ASRGL1: variants seen among roughly 807,000 people sequenced by gnomAD.
The protein encoded by ASRGL1 is asparaginase and isoaspartyl peptidase 1, also known as isoaspartyl peptidase/L-asparaginase.
In ASRGL1, 16 loss-of-function variants were observed where a neutral mutation model predicts 22.4. The ratio of observed to expected loss-of-function variants is 0.71; its 90% CI spans 0.48 to 1.08. The LOEUF is 1.08. ASRGL1 is among the 50% of genes least tolerant of loss of function. ASRGL1 has a pLI of 0.00. For missense variants in ASRGL1, 412 were observed against 410.1 expected (o/e 1.00, Z -0.04); for synonymous variants, 165 against 159.3 (o/e 1.04, Z -0.27).
At chr11:62,358,206 T>C (rs187446774) in intron 4 of ASRGL1, among the ~76,000 whole-genome samples, 1 of 152,084 alleles carries the variant, frequency 6.6e-6, no homozygotes, top group South Asian at 2.1e-4. Context: ...CCGTCTCTAC[T>C]AAAGATACAA....
intron 5 of ASRGL1, chr11:62,389,525 G>C: frequency 6.3e-6 from 3 of 478,330 alleles, no homozygotes; most frequent in South Asian, 5.8e-5. Flanking sequence ...TGCTAACGTT[G>C]CCCCCAGTCT....
chr11:62,390,496 C>A (rs932919776), intron 5 of ASRGL1, among the ~76,000 whole-genome samples: 4 of 152,152 alleles, frequency 2.6e-5, no homozygotes, highest in African/African-American at 9.7e-5. Context: ...GCCAGGACCA[C>A]CCTTGGAGAC....
intron 2 of ASRGL1, among the ~76,000 whole-genome samples, chr11:62,341,563 A>G (rs1327559378): frequency 6.6e-6 from 1 of 152,176 alleles, no homozygotes; most frequent in Non-Finnish European, 1.5e-5. Context: ...TCAATAAGGT[A>G]AAAATCTGTA....
intron 4 of ASRGL1, among the ~76,000 whole-genome samples, chr11:62,357,416 A>ATTTTT (rs1342638247): frequency 1.0e-5 from 1 of 100,410 alleles, no homozygotes; most frequent in Non-Finnish European, 1.9e-5. Flanking sequence ...CACCCGGCTC[A>ATTTTT]TTTTTTTTTT....
intron 4 of ASRGL1, among the ~76,000 whole-genome samples, chr11:62,375,478 A>ATATATATATATG (rs1946901101): frequency 1.2e-5 from 1 of 83,686 alleles, no homozygotes; most frequent in African/African-American, 3.7e-5. Flanking sequence ...ATATATATAT[A>ATATATATATATG]TATTTCTTGG....
At chr11:62,372,492 C>A in intron 4 of ASRGL1, 1 of 1,282,624 alleles carries the variant, frequency 7.8e-7, no homozygotes, top group Non-Finnish European at 1.1e-6. Flanking sequence ...ATGGGAAGTT[C>A]ATTGCCCGGG....
chr11:62,391,692 G>C, intron 6 of ASRGL1, 60 bp downstream of exon 6: 5 of 1,519,618 alleles, frequency 3.3e-6, no homozygotes. Context: ...GAAGGTATTT[G>C]ATAAGTAAGC....
At chr11:62,371,181 G>C (rs1022452388) in intron 4 of ASRGL1, 2 of 1,240,562 alleles carry the variant, frequency 1.6e-6, no homozygotes, top group Non-Finnish European at 1.1e-6. Flanking sequence ...AGCTGAGCTC[G>C]GGCAACGGCA....
rs200634675 is a variant in ASRGL1, at chr11:62,343,008, T to G, written c.190+4841T>G. 5.9e-5 allele frequency among the ~76,000 whole-genome samples: 9 copies of G among 152,336 alleles called. No individual in the cohort carries two copies. The East Asian group carries it at 1.7e-3, about 29-fold the overall frequency. On this transcript the variant is annotated intron_variant, in intron 2 of 6. Coordinates refer to ENST00000415229, the MANE Select transcript of ASRGL1 (RefSeq NM_001083926.2). Reference sequence around the variant, plus strand: ...AAACATTTGCATATGGGTGTTTATGTGAACATAAGTTTTTATCTCCCTTAG... The same window carrying G: ...AAACATTTGCATATGGGTGTTTATGGGAACATAAGTTTTTATCTCCCTTAG...
At chr11:62,370,772 C>T (rs1229238254) in intron 4 of ASRGL1, among the ~76,000 whole-genome samples, 4 of 152,144 alleles carry the variant, frequency 2.6e-5, no homozygotes, top group African/African-American at 9.7e-5. Flanking sequence ...ACACATTCTT[C>T]CCAAACTAAA....
chr11:62,348,725 A>G (rs1192182713), intron 2 of ASRGL1, among the ~76,000 whole-genome samples: 1 of 151,868 alleles, frequency 6.6e-6, no homozygotes, highest in Non-Finnish European at 1.5e-5. Flanking sequence ...AAAGAAATGT[A>G]AAAGGGTTAA....
intron 4 of ASRGL1, chr11:62,371,395 G>A (rs977785882): frequency 1.0e-5 from 6 of 602,648 alleles, no homozygotes; most frequent in Admixed American, 9.7e-5. Context: ...GGTGGTCGCC[G>A]AACCCGAGCA....
intron 4 of ASRGL1, among the ~76,000 whole-genome samples, chr11:62,362,699 ATTATATAAAATATATTATATG>A (rs1946500043): frequency 1.2e-5 from 1 of 86,020 alleles, no homozygotes; most frequent in Non-Finnish European, 2.1e-5. Context: ...TATATTATAT[ATTATATAAAATATATTATATG>A]TTATATATAA....
chr11:62,359,971 T>C (rs926490144), intron 4 of ASRGL1, among the ~76,000 whole-genome samples: 1 of 151,854 alleles, frequency 6.6e-6, no homozygotes, highest in African/African-American at 2.4e-5. Flanking sequence ...TTGTAACTTT[T>C]TGGAAATTAT....
At chr11:62,347,082 T>A (rs1946045025) in intron 2 of ASRGL1, among the ~76,000 whole-genome samples, 1 of 152,206 alleles carries the variant, frequency 6.6e-6, no homozygotes, top group African/African-American at 2.4e-5. Flanking sequence ...TCTGTTTTAA[T>A]GTAACTTCTG....
chr11:62,387,541 T>G (rs989935606), intron 4 of ASRGL1, among the ~76,000 whole-genome samples: 2 of 152,132 alleles, frequency 1.3e-5, no homozygotes, highest in Non-Finnish European at 2.9e-5. Flanking sequence ...CACACTGGCC[T>G]CCTTCAAATT....
chr11:62,365,422 T>G (rs1163185407), intron 4 of ASRGL1, among the ~76,000 whole-genome samples: 1 of 151,456 alleles, frequency 6.6e-6, no homozygotes, highest in Non-Finnish European at 1.5e-5. Flanking sequence ...GGCATGGTGG[T>G]GGGCGCCTGT....
At chr11:62,370,624 C>T (rs2134653329) in intron 4 of ASRGL1, among the ~76,000 whole-genome samples, 1 of 152,270 alleles carries the variant, frequency 6.6e-6, no homozygotes, top group Non-Finnish European at 1.5e-5. Context: ...TGTTAAGTCA[C>T]TATTAACAGC....
intron 4 of ASRGL1, among the ~76,000 whole-genome samples, chr11:62,375,842 TG>T (rs1946912475): frequency 1.3e-5 from 2 of 151,986 alleles, no homozygotes; most frequent in Non-Finnish European, 2.9e-5. Flanking sequence ...CCAGGCATGG[TG>T]GCTCATGCCT....
Sources: allele counts gnomAD v4.1 joint callset (sites outside exome capture counted in the v4.1 genomes callset), GRCh38; gene constraint gnomAD v4.1.1; transcripts MANE v1.5; gene names NCBI Gene and HGNC (gene_info 2026-07-23, HGNC 2026-07-21).